Variants in LRRC4C observed in about 807,000 individuals in gnomAD.
The protein encoded by LRRC4C is leucine-rich repeat-containing protein 4C.
A neutral mutation model predicts 33.6 loss-of-function variants in LRRC4C; 5 were observed. That is an observed-to-expected ratio of 0.15 (90% CI 0.08 to 0.31). LRRC4C has a LOEUF of 0.31. Ranked by LOEUF, LRRC4C falls within the 10% of genes least tolerant of loss-of-function variation. The pLI is 1.00. For synonymous variants in LRRC4C, 329 were observed against 302.0 expected (o/e 1.09, Z -0.93); for missense variants, 560 against 796.7 (o/e 0.70, Z 3.58).
chr11:40,527,907 C>A lies in LRRC4C; in HGVS notation c.-270+120235G>T, dbSNP rs565374860. 2.0e-5 allele frequency among the ~76,000 whole-genome samples: 3 copies of A among 152,032 alleles called. No individual in the cohort carries two copies. In the South Asian group the frequency reaches 6.2e-4, roughly 32 times the overall value. ...GGGATTACAGGCATGCACCATGATG[C>A]CTGGCTAATTTTGCACTTAGTAGAG... On this transcript the variant is annotated intron_variant, in intron 3 of 6. Coordinates refer to ENST00000528697, the MANE Select transcript of LRRC4C (RefSeq NM_001258419.2).
intron 3 of LRRC4C, among the ~76,000 whole-genome samples, chr11:40,540,850 A>G (rs928274041): frequency 1.3e-5 from 2 of 152,142 alleles, no homozygotes; most frequent in African/African-American, 4.8e-5. Flanking sequence ...ATAAATGGCT[A>G]TATGTGCCAG....
chr11:40,180,557 C>G (rs1860904002), intron 5 of LRRC4C, among the ~76,000 whole-genome samples: 1 of 152,142 alleles, frequency 6.6e-6, no homozygotes, highest in African/African-American at 2.4e-5. Context: ...TAAAAGAGCA[C>G]ATTTCTGGGA....
chr11:41,172,581 T>C (rs970351009), intron 1 of LRRC4C, among the ~76,000 whole-genome samples: 3 of 152,178 alleles, frequency 2.0e-5, no homozygotes, highest in Non-Finnish European at 4.4e-5. Flanking sequence ...ACAGTCCTTG[T>C]AATTTTATTA....
intron 2 of LRRC4C, among the ~76,000 whole-genome samples, chr11:40,815,306 A>C (rs1951662007): frequency 6.6e-6 from 1 of 152,180 alleles, no homozygotes; most frequent in Non-Finnish European, 1.5e-5. Context: ...AGAACAGCAC[A>C]GGAAAAACTT....
intron 5 of LRRC4C, among the ~76,000 whole-genome samples, chr11:40,203,587 A>G (rs1371132974): frequency 6.6e-6 from 1 of 152,202 alleles, no homozygotes; most frequent in East Asian, 1.9e-4. Flanking sequence ...GTTTCTACCT[A>G]ATGCTGATGA....
At chr11:40,688,759 G>A (rs1945086905) in intron 2 of LRRC4C, among the ~76,000 whole-genome samples, 1 of 152,118 alleles carries the variant, frequency 6.6e-6, no homozygotes, top group Non-Finnish European at 1.5e-5. Flanking sequence ...TAGAAGACGT[G>A]TTTGATTGGC....
chr11:40,882,195 T>C (rs1164500869), intron 2 of LRRC4C, among the ~76,000 whole-genome samples: 3 of 152,130 alleles, frequency 2.0e-5, no homozygotes, highest in Non-Finnish European at 4.4e-5. Flanking sequence ...CTTGCTGCTC[T>C]ACACAACCCC....
At chr11:40,990,926 A>G (rs900672064) in intron 1 of LRRC4C, among the ~76,000 whole-genome samples, 14 of 152,116 alleles carry the variant, frequency 9.2e-5, no homozygotes, top group Non-Finnish European at 1.3e-4. Context: ...TTTCTGAAAA[A>G]AAATTGTACA....
chr11:40,853,686 A>T (rs533719379), intron 2 of LRRC4C, among the ~76,000 whole-genome samples: 4 of 152,192 alleles, frequency 2.6e-5, no homozygotes, highest in Middle Eastern at 3.2e-3. Context: ...AAACTAATGT[A>T]CACCTCATTT....
chr11:41,033,806 T>A (rs1856867616), intron 1 of LRRC4C, among the ~76,000 whole-genome samples: 1 of 152,134 alleles, frequency 6.6e-6, no homozygotes, highest in African/African-American at 2.4e-5. Context: ...ACATTGAAAG[T>A]ATTTTATCAA....
intron 1 of LRRC4C, among the ~76,000 whole-genome samples, chr11:41,324,205 A>T (rs756487797): frequency 1.3e-5 from 2 of 152,064 alleles, no homozygotes; most frequent in Admixed American, 6.6e-5. Context: ...CTGACGCGGG[A>T]GGATCACCTG....
At chr11:40,160,265 TAG>T (rs2135338900) in intron 5 of LRRC4C, among the ~76,000 whole-genome samples, 1 of 152,166 alleles carries the variant, frequency 6.6e-6, no homozygotes, top group East Asian at 1.9e-4. Context: ...CTCAATTTTG[TAG>T]AGAGTAGCTT....
At chr11:41,190,066 A>C (rs1277156748) in intron 1 of LRRC4C, among the ~76,000 whole-genome samples, 1 of 152,204 alleles carries the variant, frequency 6.6e-6, no homozygotes, top group Non-Finnish European at 1.5e-5. Context: ...ATGCATGAAC[A>C]TGTGTTATGT....
At chr11:41,241,134 A>C (rs1948234109) in intron 1 of LRRC4C, among the ~76,000 whole-genome samples, 2 of 152,144 alleles carry the variant, frequency 1.3e-5, no homozygotes, top group Admixed American at 1.3e-4. Context: ...GTGTTGAATG[A>C]TATCTCCTTT....
chr11:40,199,582 G>A (rs927766530), intron 5 of LRRC4C, among the ~76,000 whole-genome samples: 2 of 152,106 alleles, frequency 1.3e-5, no homozygotes, highest in African/African-American at 4.8e-5. Context: ...CAGATGAGTG[G>A]ATTTCTCCAG....
At chr11:40,227,283 T>C (rs761414988) in intron 5 of LRRC4C, among the ~76,000 whole-genome samples, 3 of 152,242 alleles carry the variant, frequency 2.0e-5, no homozygotes, top group Non-Finnish European at 2.9e-5. Context: ...ATTATGAGCA[T>C]CAGGTAAAAC....
intron 1 of LRRC4C, among the ~76,000 whole-genome samples, chr11:40,961,173 G>A (rs886084642): frequency 4.5e-4 from 68 of 151,722 alleles, no homozygotes; most frequent in Non-Finnish European, 5.9e-5. Context: ...TCTGATAATA[G>A]ATCAGGTATT....
intron 3 of LRRC4C, among the ~76,000 whole-genome samples, chr11:40,459,309 C>T (rs1282321079): frequency 6.6e-6 from 1 of 152,132 alleles, no homozygotes; most frequent in Non-Finnish European, 1.5e-5. Flanking sequence ...GAAAGATCTA[C>T]CACTTTCATT....
intron 1 of LRRC4C, among the ~76,000 whole-genome samples, chr11:41,178,077 C>G (rs1017422691): frequency 2.0e-5 from 3 of 152,102 alleles, no homozygotes; most frequent in African/African-American, 4.8e-5. Context: ...GTCTCCCAAG[C>G]CCATTACATC....
Sources: gnomAD v4.1 joint callset for allele counts (sites outside exome capture counted in the v4.1 genomes callset) on GRCh38, gnomAD v4.1.1 for gene constraint, MANE v1.5 for transcripts, NCBI Gene and HGNC (gene_info 2026-07-23, HGNC 2026-07-21) for gene names.